The following DPP6 variants were observed in gnomAD, a reference collection of about 807,000 sequenced individuals.
The protein encoded by DPP6 is dipeptidyl peptidase like 6, also known as A-type potassium channel modulatory protein DPP6.
A neutral mutation model predicts 122.6 loss-of-function variants in DPP6; 69 were observed. That is an observed-to-expected ratio of 0.56 (90% CI 0.46 to 0.69). The LOEUF (loss-of-function observed/expected upper bound fraction) is 0.69. Among genes scored for constraint, DPP6 ranks in the 30% least tolerant of loss-of-function variants. The pLI is 0.00. For missense variants in DPP6, 928 were observed against 1,116.9 expected (o/e 0.83, Z 2.41); for synonymous variants, 418 against 433.1 (o/e 0.97, Z 0.43).
rs1461081849 is a variant in DPP6 at position 154,872,520 on chromosome 7, G to T, written c.1814-104G>T. ...TCTCTGTCTGTGGGCTTCCCCTCAG[G>T]CCCCACCCAGAGCACCCTCACCCCC... is the stretch of plus-strand genomic sequence containing the variant. On this transcript the variant is annotated intron_variant, in intron 18 of 25. Coordinates refer to ENST00000377770, the MANE Select transcript of DPP6 (RefSeq NM_130797.4). 5 of 1,486,080 alleles carry T rather than the reference G, an allele frequency of 3.4e-6. No homozygotes were observed. In the African/African-American group the frequency reaches 4.2e-5, roughly 12 times the overall value. 92.1% of individuals were successfully genotyped at this position (1,486,080 alleles called of 1,614,324 possible). A position where few individuals can be genotyped will look rare whatever the true frequency, so the allele number is the denominator to read the frequency against.
intron 1 of DPP6, among the ~76,000 whole-genome samples, chr7:154,326,350 G>A (rs914304507): frequency 2.0e-5 from 3 of 151,978 alleles, no homozygotes; most frequent in Admixed American, 6.6e-5. Flanking sequence ...TTATTTATGC[G>A]GTCGAGTCTT....
At chr7:154,501,168 C>G (rs1417907931) in intron 3 of DPP6, among the ~76,000 whole-genome samples, 1 of 152,000 alleles carries the variant, frequency 6.6e-6, no homozygotes, top group African/African-American at 2.4e-5. Flanking sequence ...CAAGAGGTGA[C>G]CTGGGTGCTA....
chr7:153,989,730 G>A (rs1218131667), intron 1 of DPP6, among the ~76,000 whole-genome samples: 1 of 152,026 alleles, frequency 6.6e-6, no homozygotes, highest in Non-Finnish European at 1.5e-5. Context: ...GAGGTAGGAG[G>A]ATGTGGATGC....
At chr7:154,136,992 G>C (rs1381776926) in intron 1 of DPP6, among the ~76,000 whole-genome samples, 1 of 152,210 alleles carries the variant, frequency 6.6e-6, no homozygotes, top group African/African-American at 2.4e-5. Context: ...GAACCACCCT[G>C]TCTTACCACA....
intron 24 of DPP6, 54 bp from the exon 25 acceptor site, chr7:154,889,403 A>G (rs1806421420): frequency 6.2e-7 from 1 of 1,600,698 alleles, no homozygotes; most frequent in Non-Finnish European, 8.5e-7. Flanking sequence ...CCTTGATGGC[A>G]CCATGGGTTT....
chr7:154,080,464 A>G (rs897212215), intron 1 of DPP6, among the ~76,000 whole-genome samples: 11 of 152,178 alleles, frequency 7.2e-5, no homozygotes, highest in African/African-American at 2.7e-4. Context: ...CTGCCCTTAG[A>G]CCAAAGCGAC....
chr7:153,896,622 T>C (rs1442515410), intron 1 of DPP6, among the ~76,000 whole-genome samples: 1 of 152,090 alleles, frequency 6.6e-6, no homozygotes, highest in African/African-American at 2.4e-5. Flanking sequence ...CTGTGCAACA[T>C]AGACAGCATC....
chr7:154,374,179 A>G (rs1240164284), intron 1 of DPP6, among the ~76,000 whole-genome samples: 1 of 152,208 alleles, frequency 6.6e-6, no homozygotes, highest in African/African-American at 2.4e-5. Context: ...TCCAGTTGGA[A>G]TCCTAGCTCC....
chr7:153,819,546 G>A, the DPP6 span, among the ~76,000 whole-genome samples: 1 of 152,124 alleles, frequency 6.6e-6, no homozygotes, highest in Non-Finnish European at 1.5e-5. Flanking sequence ...CATCATGACT[G>A]CTGCCTGACC....
At position 154,642,492 on chromosome 7, in the gene DPP6, A is replaced by C. The variant is rs371186128; in HGVS notation, c.680+4619A>C. Among the ~76,000 whole-genome samples, 8 of 152,222 alleles carry C rather than the reference A, an allele frequency of 5.3e-5. No homozygotes were observed. In the East Asian group the frequency reaches 1.4e-3, roughly 26 times the overall value. On this transcript the variant is annotated intron_variant, in intron 6 of 25. Transcript: ENST00000377770. ...GTAATCCCAGCTACTCAGGAGGCTG[A>C]GGCAGGAGAATCGTTTGAACCCAAG...
rs1430507332 is a variant in DPP6, at chr7:154,062,733, G to A, written c.243+9670G>A. Among the ~76,000 whole-genome samples, 3 of 69,294 alleles carry A rather than the reference G, an allele frequency of 4.3e-5. 1 individual carries two copies. The highest frequency in any genetic ancestry group is 9.5e-4 in the East Asian group (2 of 2,098). The allele number at this position is 69,294 out of a possible 152,430, so 45.5% of individuals were successfully genotyped here. On this transcript the variant is annotated intron_variant, in intron 1 of 25. Coordinates refer to ENST00000377770, the MANE Select transcript of DPP6 (RefSeq NM_130797.4). ...TGTTGGTACCCCCATCGTAGGGGGGGGGAGGCACCCTCCGCGAGGCAGGGA... is the reference window on the plus strand; with the variant it reads ...TGTTGGTACCCCCATCGTAGGGGGGAGGAGGCACCCTCCGCGAGGCAGGGA...
At chr7:154,773,472 T>C (rs1160283553) in intron 10 of DPP6, among the ~76,000 whole-genome samples, 1 of 150,976 alleles carries the variant, frequency 6.6e-6, no homozygotes, top group African/African-American at 2.4e-5. Flanking sequence ...TCAAAACAAC[T>C]GATTTAGGAT....
intron 7 of DPP6, among the ~76,000 whole-genome samples, chr7:154,705,352 T>C (rs1840770048): frequency 6.6e-6 from 1 of 152,228 alleles, no homozygotes; most frequent in African/African-American, 2.4e-5. Context: ...CCTGCTATTT[T>C]CCTTTCCTGC....
At chr7:154,051,453 AG>A (rs1372120525), upstream of DPP6, among the ~76,000 whole-genome samples, 1 of 150,312 alleles carries the variant, frequency 6.7e-6, no homozygotes, top group East Asian at 2.0e-4. Context: ...GAGGGCCGGG[AG>A]GGGAAGAGAA....
At chr7:154,587,795 G>C in intron 5 of DPP6, 2 of 1,612,246 alleles carry the variant, frequency 1.2e-6, no homozygotes, top group Non-Finnish European at 1.7e-6. Flanking sequence ...CACTGCCTGC[G>C]TGACTATGTC....
chr7:153,910,735 A>G (rs1345686469), intron 1 of DPP6, among the ~76,000 whole-genome samples: 1 of 152,168 alleles, frequency 6.6e-6, no homozygotes, highest in African/African-American at 2.4e-5. Context: ...CTTGGTGCAC[A>G]GAACCATTGT....
intron 6 of DPP6, among the ~76,000 whole-genome samples, chr7:154,643,247 T>A (rs909592355): frequency 2.0e-5 from 3 of 151,952 alleles, no homozygotes; most frequent in Admixed American, 1.3e-4. Flanking sequence ...TAATTTTTTT[T>A]ATATCATCTC....
At chr7:154,117,525 T>G (rs1253399115) in intron 1 of DPP6, among the ~76,000 whole-genome samples, 1 of 152,190 alleles carries the variant, frequency 6.6e-6, no homozygotes, top group Non-Finnish European at 1.5e-5. Flanking sequence ...GTCCTGACAA[T>G]GCGATGCAGA....
chr7:154,091,078 G>A (rs181215395), intron 1 of DPP6, among the ~76,000 whole-genome samples: 250 of 150,134 alleles, frequency 1.7e-3, no homozygotes, highest in African/African-American at 5.5e-3. Context: ...CCGAGACTGC[G>A]CCACTGCACT....
Sources: gnomAD v4.1 joint callset for allele counts (sites outside exome capture counted in the v4.1 genomes callset) on GRCh38, gnomAD v4.1.1 for gene constraint, MANE v1.5 for transcripts, NCBI Gene and HGNC (gene_info 2026-07-23, HGNC 2026-07-21) for gene names.